NOX5: variants seen among roughly 807,000 people sequenced by gnomAD.
The protein encoded by NOX5 is NADPH oxidase 5.
A neutral mutation model predicts 85.7 loss-of-function variants in NOX5; 76 were observed. That is an observed-to-expected ratio of 0.89 (90% confidence interval 0.74 to 1.07). The LOEUF is 1.07. Ranked by LOEUF, NOX5 falls within the 50% of genes least tolerant of loss-of-function variation. NOX5 has a pLI of 0.00. For synonymous variants in NOX5, 405 were observed against 401.4 expected (o/e 1.01, Z -0.11); for missense variants, 973 against 999.5 (o/e 0.97, Z 0.36).
Position 69,031,586 on chromosome 15 carries a change from T to A in NOX5, c.394T>A (p.Ser132Thr). ...GAGAGPHWAS[S>T]PLGTGSGSID... ...TGGGGCAGGCCCGCACTGGGCTTCA[T>A]CCCCACTCGGGACAGGCAGTGGCTC... is the stretch of plus-strand genomic sequence containing the variant. Residue 132 changes from serine (S) to threonine (T), a missense_variant, in exon 4 of 16, where the codon TCC (serine) becomes ACC (threonine). Ser to Thr is a moderately conservative substitution (Grantham distance 58, BLOSUM62 1). Transcript: ENST00000388866. 6.2e-7 allele frequency: 1 copy of A among 1,613,030 alleles called. No individual in the cohort carries two copies. The highest frequency in any genetic ancestry group is 1.1e-5 in the South Asian group (1 of 91,080).
intron 11 of NOX5, chr15:69,047,131 C>A: frequency 1.8e-6 from 1 of 562,996 alleles, no homozygotes; most frequent in African/African-American, 1.9e-5. Flanking sequence ...TGCTCTCCAT[C>A]CCTGTCTCCT....
chr15:69,032,217 G>C (rs1272701111), intron 4 of NOX5, among the ~76,000 whole-genome samples: 3 of 152,152 alleles, frequency 2.0e-5, no homozygotes, highest in African/African-American at 7.2e-5. Context: ...CAGTGAATGA[G>C]GTCTCCACCC....
intron 10 of NOX5, among the ~76,000 whole-genome samples, chr15:69,045,586 C>CTTTCTTTCTTCCCTTTCTTTCT (rs1595786291): frequency 2.4e-5 from 2 of 85,004 alleles, no homozygotes; most frequent in East Asian, 3.4e-4. Context: ...TCTTTCTTTT[C>CTTTCTTTCTTCCCTTTCTTTCT]TTTCTTTCTT....
intron 4 of NOX5, among the ~76,000 whole-genome samples, chr15:69,032,516 T>C (rs537261277): frequency 3.9e-5 from 6 of 151,948 alleles, no homozygotes; most frequent in Non-Finnish European, 8.8e-5. Context: ...GTTCAAGCGA[T>C]TCTCCTGACT....
chr15:69,054,850 G>A (rs1393930629), intron 14 of NOX5, among the ~76,000 whole-genome samples: 1 of 152,140 alleles, frequency 6.6e-6, no homozygotes, highest in East Asian at 1.9e-4. Context: ...ACAGACATGT[G>A]AGGCATGGAA....
chr15:69,057,040 A>C lies in NOX5; in HGVS notation c.*344A>C. On this transcript the variant is annotated 3_prime_UTR_variant, in exon 16 of 16. Transcript: ENST00000388866. Reference sequence around the variant, plus strand: ...ATTTTCCGACGGAGCCTTCCCCCACATCCATGGTCCCAAACCTGCCCAATC... The same window carrying C: ...ATTTTCCGACGGAGCCTTCCCCCACCTCCATGGTCCCAAACCTGCCCAATC... 1 of 202,768 alleles carries C rather than the reference A, an allele frequency of 4.9e-6. No individual in the cohort carries two copies. The highest frequency in any genetic ancestry group is 1.2e-4 in the East Asian group (1 of 8,440). The allele number at this position is 202,768 out of a possible 1,614,324, so 12.6% of individuals were successfully genotyped here.
At chr15:69,025,473 G>A (rs1300299745) in intron 1 of NOX5, among the ~76,000 whole-genome samples, 3 of 152,174 alleles carry the variant, frequency 2.0e-5, no homozygotes, top group South Asian at 2.1e-4. Context: ...GGCAGGCATC[G>A]TCGCCTTGCT....
rs754404114 is a variant in NOX5, at chr15:69,028,231, G to T, written c.191G>T (p.Arg64Leu). 8 of 1,608,282 alleles carry T rather than the reference G, an allele frequency of 5.0e-6. No individual in the cohort carries two copies. The African/African-American group carries it at 1.1e-4, about 22-fold the overall frequency. ...LHVKESFFAE[R>L]FFALFDSDRS... ...CGCCCACAGTCCTTCTTTGCAGAGC[G>T]ATTCTTTGCCCTATTTGACTCCGAT... Residue 64 changes from arginine (R) to leucine (L), a missense_variant, in exon 3 of 16, where the codon CGA becomes CTA. Physicochemically the swap from Arg to Leu is moderately radical, Grantham distance 102. Coordinates refer to ENST00000388866, the MANE Select transcript of NOX5 (RefSeq NM_024505.4).
chr15:69,036,488 G>T (rs1479177136), intron 7 of NOX5, among the ~76,000 whole-genome samples: 3 of 152,126 alleles, frequency 2.0e-5, no homozygotes, highest in African/African-American at 4.8e-5. Context: ...ACTATCTTGT[G>T]GCCTGACCAC....
At chr15:69,041,690 T>C (rs1435988044) in intron 9 of NOX5, among the ~76,000 whole-genome samples, 1 of 152,228 alleles carries the variant, frequency 6.6e-6, no homozygotes, top group Non-Finnish European at 1.5e-5. Flanking sequence ...ACAAATTTTT[T>C]TTAACATTTT....
chr15:69,031,910 C>T, intron 4 of NOX5, 98 bp downstream of exon 4: 1 of 1,220,276 alleles, frequency 8.2e-7, no homozygotes, highest in Admixed American at 2.5e-5. Context: ...TCTGCCCTAC[C>T]CCGCCCTGCC....
rs2050843601 is a variant in NOX5, at chr15:69,058,784, T to A, written c.*2088T>A. 6.6e-6 allele frequency: 1 copy of A among 152,112 alleles called. No individual in the cohort carries two copies. The highest frequency in any genetic ancestry group is 1.5e-5 in the Non-Finnish European group (1 of 68,064). The allele number at this position is 152,112 out of a possible 1,614,324, so 9.4% of individuals were successfully genotyped here. ...TTGGAACCTCTTTCCCTCTGTTGAG[T>A]CTGTACTTTCCCCTCTTCATCAGGC... On this transcript the variant is annotated 3_prime_UTR_variant, in exon 16 of 16. Coordinates refer to ENST00000388866, the MANE Select transcript of NOX5 (RefSeq NM_024505.4).
chr15:69,037,151 C>A lies in NOX5; in HGVS notation c.1312C>A (p.Leu438Met), dbSNP rs1461039044. ...ILFFLEKAIGLAVSRMAAVCI... is the reference protein window; with the variant it reads ...ILFFLEKAIGMAVSRMAAVCI... ...GTTTTTCCTGGAGAAGGCCATCGGA[C>A]TGGCAGTGTCCCGCATGGCAGCCGT... The change falls in exon 8 of 16, where the codon CTG becomes ATG. Residue 438 changes from leucine (L) to methionine (M), a missense_variant. Leu to Met is a conservative substitution (Grantham distance 15, BLOSUM62 2). Transcript: ENST00000388866. 1 of 1,614,064 alleles carries A rather than the reference C, an allele frequency of 6.2e-7. No individual in the cohort carries two copies. The highest frequency in any genetic ancestry group is 1.3e-5 in the African/African-American group (1 of 75,042).
intron 12 of NOX5, 130 bp from the exon 13 acceptor site, chr15:69,047,700 C>G: frequency 7.7e-7 from 1 of 1,293,098 alleles, no homozygotes. Context: ...CTTTTTGTGT[C>G]TCATCCCTCC....
intron 3 of NOX5, chr15:69,029,661 C>A (rs2050404803): frequency 6.6e-6 from 1 of 151,162 alleles, no homozygotes; most frequent in African/African-American, 2.4e-5. Flanking sequence ...CACATTCTTG[C>A]TAACACTTGT....
chr15:69,046,846 C>G lies in NOX5; in HGVS notation c.1672C>G (p.His558Asp). ...SKGSEILLEK[H>D]KFCNIKCYID... Reference sequence around the variant, plus strand: ...GGGCTCTGAGATACTTTTGGAGAAACACAAATTCTGTAACATCAAGGTGAG... The same window carrying G: ...GGGCTCTGAGATACTTTTGGAGAAAGACAAATTCTGTAACATCAAGGTGAG... Residue 558 changes from histidine (H) to aspartate (D), a missense_variant, in exon 11 of 16, where the codon CAC becomes GAC. Coordinates refer to ENST00000388866, the MANE Select transcript of NOX5 (RefSeq NM_024505.4). The G allele has an allele frequency of 6.2e-7, 1 of 1,613,834 alleles. No homozygotes were observed. The highest frequency in any genetic ancestry group is 8.5e-7 in the Non-Finnish European group (1 of 1,179,790).
Position 69,049,109 on chromosome 15 carries a change from A to G in NOX5, c.1999+51A>G, listed in dbSNP as rs750537897. On this transcript the variant is annotated intron_variant, in intron 14 of 15. Coordinates refer to ENST00000388866, the MANE Select transcript of NOX5 (RefSeq NM_024505.4). Reference sequence around the variant, plus strand: ...CAGTAGGAGTAGGGCAGGGGCCTTCAGCTTCTTTAAAAAAATAATTTATTG... The same window carrying G: ...CAGTAGGAGTAGGGCAGGGGCCTTCGGCTTCTTTAAAAAAATAATTTATTG... 4.2e-6 allele frequency: 5 copies of G among 1,191,398 alleles called. No individual in the cohort carries two copies. In the South Asian group the frequency reaches 5.9e-5, roughly 14 times the overall value. The allele number at this position is 1,191,398 out of a possible 1,614,324, so 73.8% of individuals were successfully genotyped here.
In NOX5 at chr15:69,026,393, G is replaced by A. The variant is rs1485545465; in HGVS notation, c.51-135G>A. Reference sequence around the variant, plus strand: ...TGTGGGAAGCTCCAATCCACAGCCAGAACTGATTGACCCGATTCAACTCAG... The same window carrying A: ...TGTGGGAAGCTCCAATCCACAGCCAAAACTGATTGACCCGATTCAACTCAG... On this transcript the variant is annotated intron_variant, in intron 1 of 15. Coordinates refer to ENST00000388866, the MANE Select transcript of NOX5 (RefSeq NM_024505.4). 8 of 1,047,990 alleles carry A rather than the reference G, an allele frequency of 7.6e-6. No individual in the cohort carries two copies. The African/African-American group carries it at 8.0e-5, about 10-fold the overall frequency. The allele number at this position is 1,047,990 out of a possible 1,614,324, so 64.9% of individuals were successfully genotyped here. A position where few individuals can be genotyped will look rare whatever the true frequency, so the allele number is the denominator to read the frequency against.
In NOX5 at chr15:69,037,061, G is replaced by A. The variant is rs141804052; in HGVS notation, c.1222G>A (p.Val408Met). The change falls in exon 8 of 16, where the codon GTG (valine) becomes ATG (methionine). Residue 408 changes from valine (V) to methionine (M), a missense_variant. Physicochemically the swap from Val to Met is conservative, Grantham distance 21. Coordinates refer to ENST00000388866, the MANE Select transcript of NOX5 (RefSeq NM_024505.4). The part of the protein sequence containing the change: ...FYWTHLSYLL[V>M]WLLLIFHGPN... ...TTGGACTCACCTGTCCTACCTCCTC[G>A]TGTGGCTTCTGCTCATCTTTCATGG... 7.7e-5 allele frequency: 125 copies of A among 1,613,576 alleles called. No individual in the cohort carries two copies. The highest frequency in any genetic ancestry group is 3.3e-4 in the Middle Eastern group (2 of 5,986).
Sources: allele counts gnomAD v4.1 joint callset (sites outside exome capture counted in the v4.1 genomes callset), GRCh38; gene constraint gnomAD v4.1.1; transcripts MANE v1.5; gene names NCBI Gene and HGNC (gene_info 2026-07-23, HGNC 2026-07-21).